ARHGEF33: variants seen among roughly 807,000 people sequenced by gnomAD.
The protein encoded by ARHGEF33 is DH and coiled-coil domain-containing protein ENSP00000381780.
Under a neutral mutation model 101.9 loss-of-function variants are expected in ARHGEF33, and 72 were observed. The observed-to-expected ratio is 0.71, with a 90% confidence interval of 0.58 to 0.86. The LOEUF (loss-of-function observed/expected upper bound fraction) is 0.86. Among genes scored for constraint, ARHGEF33 ranks in the 40% least tolerant of loss-of-function variants. The probability of loss-of-function intolerance (pLI) is 0.00; values close to 1 mark genes in which losing one functional copy is unlikely to be tolerated. For synonymous variants in ARHGEF33, 499 were observed against 442.5 expected, an observed-to-expected ratio of 1.13 and a Z score of -1.60; for missense variants, 1,169 against 1,111.3, an observed-to-expected ratio of 1.05 and a Z score of -0.74.
chr2:38,899,430 T>C (rs984188962), intron 2 of ARHGEF33, among the ~76,000 whole-genome samples: 2 of 152,140 alleles, frequency 1.3e-5, no homozygotes, highest in African/African-American at 4.8e-5. Flanking sequence ...TAAGATATTA[T>C]GCTCAGAGAA....
Position 38,954,412 on chromosome 2 carries a change from T to C in ARHGEF33, c.1177T>C (p.Phe393Leu). 6.4e-7 allele frequency: 1 copy of C among 1,551,322 alleles called. No homozygotes were observed. The highest frequency in any genetic ancestry group is 1.2e-5 in the South Asian group (1 of 84,058). The change falls in exon 13 of 18, where the codon TTT becomes CTT. Residue 393 changes from phenylalanine (F) to leucine (L), a missense_variant. Physicochemically the swap from Phe to Leu is conservative, Grantham distance 22. Coordinates refer to ENST00000409978, the MANE Select transcript of ARHGEF33 (RefSeq NM_001145451.5). The stretch of plus-strand genomic sequence containing the variant: ...TAAATCTGACATCTACACGTTGTTT[T>C]TTCACATAGTCCAGCGCATCCCTGA... ...EIKSDIYTLF[F>L]HIVQRIPEYL...
chr2:38,972,848 C>G lies in ARHGEF33; in HGVS notation c.2484-866C>G, dbSNP rs190598742. Among the ~76,000 whole-genome samples, 193 of 152,278 alleles carry G rather than the reference C, an allele frequency of 1.3e-3. 1 individual carries two copies. Among genetic ancestry groups the G allele is most frequent in the Admixed American group, 0.012 (191 of 15,296 alleles). ...TTGTATAGAAGCTTTGGACAAGCAACTTCATGTCTAACATCACTTTCATAC... is the reference window on the plus strand; with the variant it reads ...TTGTATAGAAGCTTTGGACAAGCAAGTTCATGTCTAACATCACTTTCATAC... On this transcript the variant is annotated intron_variant, in intron 17 of 17. Coordinates refer to ENST00000409978, the MANE Select transcript of ARHGEF33 (RefSeq NM_001145451.5).
intron 16 of ARHGEF33, among the ~76,000 whole-genome samples, chr2:38,965,609 A>G (rs1294932378): frequency 6.6e-6 from 1 of 152,242 alleles, no homozygotes; most frequent in African/African-American, 2.4e-5. Context: ...ACACCTGGAG[A>G]TAAGAGGGGA....
At position 38,929,978 on chromosome 2, in the gene ARHGEF33, A is replaced by G. The variant is rs1022287075; in HGVS notation, c.362+148A>G. The G allele has an allele frequency of 8.0e-6, 5 of 621,268 alleles. No homozygotes were observed. The East Asian group carries it at 1.4e-4, about 18-fold the overall frequency. 38.5% of individuals were successfully genotyped at this position (621,268 alleles called of 1,614,324 possible). On this transcript the variant is annotated intron_variant, in intron 6 of 17. Transcript: ENST00000409978. ...CATGCGATGGAGGTTATAGAATTAT[A>G]AAATTGGTTAATACCAAAGATGGAT...
intron 2 of ARHGEF33, among the ~76,000 whole-genome samples, chr2:38,912,380 C>T (rs1341861545): frequency 6.6e-6 from 1 of 152,204 alleles, no homozygotes; most frequent in Non-Finnish European, 1.5e-5. Context: ...AGTGAGATCT[C>T]AAAGGGACTT....
At chr2:38,907,101 G>C (rs1028889267) in intron 2 of ARHGEF33, among the ~76,000 whole-genome samples, 2 of 152,148 alleles carry the variant, frequency 1.3e-5, no homozygotes, top group African/African-American at 4.8e-5. Flanking sequence ...AGGGTTGTAG[G>C]ACCGAGATCC....
intron 13 of ARHGEF33, among the ~76,000 whole-genome samples, chr2:38,955,691 T>C (rs1667723564): frequency 1.3e-5 from 2 of 151,662 alleles, no homozygotes; most frequent in Admixed American, 6.6e-5. Flanking sequence ...TATTTTTATT[T>C]TTTGAGATGG....
intron 10 of ARHGEF33, among the ~76,000 whole-genome samples, chr2:38,944,421 T>C (rs1229968351): frequency 6.6e-6 from 1 of 152,104 alleles, no homozygotes; most frequent in Non-Finnish European, 1.5e-5. Context: ...CCTTTTGTAG[T>C]GGCAATAATC....
chr2:38,898,081 A>T lies in ARHGEF33; in HGVS notation c.-86+2232A>T, dbSNP rs373685302. Among the ~76,000 whole-genome samples, 3 of 152,252 alleles carry T rather than the reference A, an allele frequency of 2.0e-5. No individual in the cohort carries two copies. The East Asian group carries it at 5.8e-4, about 29-fold the overall frequency. On this transcript the variant is annotated intron_variant, in intron 2 of 17. Transcript: ENST00000409978. ...ACTTTCATTGGTAGGCAGAAAGTCT[A>T]TATTAGTGCATGGCTAAATAAATCA...
chr2:38,911,879 T>C (rs1666516635), intron 2 of ARHGEF33, among the ~76,000 whole-genome samples: 1 of 151,318 alleles, frequency 6.6e-6, no homozygotes, highest in African/African-American at 2.4e-5. Flanking sequence ...TCTCAAAAAA[T>C]AAAAAAATAA....
Position 38,919,489 on chromosome 2 carries a change from G to A in ARHGEF33, c.25+17G>A. On this transcript the variant is annotated intron_variant, in intron 3 of 17. Transcript: ENST00000409978. Reference sequence around the variant, plus strand: ...CAAAGCAAGGTCAGATTTTTCCTATGTCTTGCTTTAGGACTTAGGATTCAA... The same window carrying A: ...CAAAGCAAGGTCAGATTTTTCCTATATCTTGCTTTAGGACTTAGGATTCAA... 6.4e-7 allele frequency: 1 copy of A among 1,551,588 alleles called. No homozygotes were observed. Among genetic ancestry groups the A allele is most frequent in the Non-Finnish European group, 8.7e-7 (1 of 1,146,802 alleles).
chr2:38,957,621 G>T (rs997124999), intron 14 of ARHGEF33, among the ~76,000 whole-genome samples: 2 of 152,162 alleles, frequency 1.3e-5, no homozygotes, highest in Non-Finnish European at 2.9e-5. Flanking sequence ...GTGTGGATTA[G>T]GGAGGATCTG....
intron 15 of ARHGEF33, 134 bp downstream of exon 15, chr2:38,958,332 A>C: frequency 8.7e-7 from 1 of 1,149,040 alleles, no homozygotes. Flanking sequence ...CCAAGCAGCC[A>C]ACCCGATTCT....
In ARHGEF33 at chr2:38,960,603, A is replaced by G. The variant is rs749353047; in HGVS notation, c.2298A>G (p.Gln766=). The G allele has an allele frequency of 2.7e-4, 385 of 1,415,158 alleles. No individual in the cohort carries two copies. The highest frequency in any genetic ancestry group is 1.9e-3 in the Admixed American group (80 of 41,564). 87.7% of individuals were successfully genotyped at this position (1,415,158 alleles called of 1,614,324 possible). ...ARGASRTFFP[Q]QRSQSEKQTY... ...GCGCATCCAGGACCTTCTTCCCCCA[A>G]CAGAGGTCCCAAAGCGAAAAACAGA... Residue 766 remains glutamine (Q), a synonymous_variant, in exon 16 of 18, where the codon CAA becomes CAG. Transcript: ENST00000409978.
chr2:38,926,096 C>T (rs1190146864), intron 4 of ARHGEF33, among the ~76,000 whole-genome samples: 1 of 152,162 alleles, frequency 6.6e-6, no homozygotes, highest in African/African-American at 2.4e-5. Context: ...TTCTTTGAGC[C>T]TAAGATGCCC....
intron 2 of ARHGEF33, among the ~76,000 whole-genome samples, chr2:38,910,074 CTAAA>C (rs960247268): frequency 1.3e-5 from 2 of 152,046 alleles, no homozygotes; most frequent in African/African-American, 4.8e-5. Context: ...ATAGCATAGA[CTAAA>C]TAACACAGAC....
At chr2:38,929,633 T>C in intron 5 of ARHGEF33, 76 bp from the exon 6 acceptor site, 7 of 1,182,134 alleles carry the variant, frequency 5.9e-6, no homozygotes, top group Non-Finnish European at 8.1e-6. Flanking sequence ...GTATTAAAAG[T>C]GTACAGTGTG....
At chr2:38,922,345 C>T (rs537189065) in intron 4 of ARHGEF33, among the ~76,000 whole-genome samples, 4 of 152,108 alleles carry the variant, frequency 2.6e-5, no homozygotes, top group Non-Finnish European at 4.4e-5. Context: ...AAAGAGTGCT[C>T]TCACAAGCAG....
intron 17 of ARHGEF33, among the ~76,000 whole-genome samples, chr2:38,971,257 C>T (rs564493570): frequency 1.2e-4 from 19 of 152,310 alleles, no homozygotes; most frequent in Non-Finnish European, 1.3e-4. Flanking sequence ...TTGCTATTTT[C>T]TTTGTCACTT....
Sources: gnomAD v4.1 joint callset for allele counts (sites outside exome capture counted in the v4.1 genomes callset) on GRCh38, gnomAD v4.1.1 for gene constraint, MANE v1.5 for transcripts, NCBI Gene and HGNC (gene_info 2026-07-23, HGNC 2026-07-21) for gene names.